The following USP26 variants were observed in gnomAD, a reference collection of about 807,000 sequenced individuals.
USP26 encodes ubiquitin specific peptidase 26, also known as ubiquitin carboxyl-terminal hydrolase 26.
For synonymous variants in USP26, 236 were observed against 240.6 expected (o/e 0.98, Z 0.18); for missense variants, 649 against 642.3 (o/e 1.01, Z -0.11).
At chrX:133,082,318 C>T (rs917810778) in intron 5 of USP26, among the ~76,000 whole-genome samples, 1 of 111,875 alleles carries the variant, frequency 8.9e-6, no homozygotes, top group Non-Finnish European at 1.9e-5. Flanking sequence ...TCCTGATCCC[C>T]GTTTTCTGGG....
At chrX:133,049,147 A>C (rs2067450618) in intron 5 of USP26, among the ~76,000 whole-genome samples, 1 of 111,933 alleles carries the variant, frequency 8.9e-6, no homozygotes, top group Admixed American at 9.5e-5. Flanking sequence ...GTTTTCAGCA[A>C]TTTCTAGTGT....
intron 5 of USP26, among the ~76,000 whole-genome samples, chrX:133,038,371 T>C (rs766373065): frequency 8.9e-6 from 1 of 112,073 alleles, no homozygotes; most frequent in Admixed American, 9.5e-5. Flanking sequence ...GATTTTAGCA[T>C]GAAGGGGTGT....
chrX:133,070,956 C>T (rs1236673348), intron 5 of USP26, among the ~76,000 whole-genome samples: 2 of 111,227 alleles, frequency 1.8e-5, no homozygotes. Context: ...GTGGCTCACT[C>T]CTGTAATCCC....
At chrX:133,074,988 A>G (rs1406113533) in intron 5 of USP26, among the ~76,000 whole-genome samples, 1 of 111,844 alleles carries the variant, frequency 8.9e-6, no homozygotes, top group Non-Finnish European at 1.9e-5. Context: ...TCAGGGTCAA[A>G]TGACATTAGT....
intron 4 of USP26, among the ~76,000 whole-genome samples, chrX:133,084,900 C>T (rs1053956938): frequency 5.4e-5 from 6 of 110,894 alleles, no homozygotes; most frequent in Non-Finnish European, 9.4e-5. Flanking sequence ...CCTTCCCACC[C>T]TTTCCTCCTG....
chrX:133,046,280 A>C (rs1455463780), intron 5 of USP26, among the ~76,000 whole-genome samples: 1 of 111,941 alleles, frequency 8.9e-6, no homozygotes, highest in African/African-American at 3.2e-5. Context: ...TGTAACATAC[A>C]CCTAGCAAGA....
At chrX:133,048,434 C>T (rs759510346) in intron 5 of USP26, among the ~76,000 whole-genome samples, 3 of 111,535 alleles carry the variant, frequency 2.7e-5, no homozygotes, top group Non-Finnish European at 5.6e-5. Flanking sequence ...ATTATTCCTT[C>T]GTGGATTTTA....
intron 5 of USP26, among the ~76,000 whole-genome samples, chrX:133,035,779 A>G (rs772259891): frequency 1.4e-4 from 16 of 112,340 alleles, no homozygotes; most frequent in African/African-American, 4.8e-4. Context: ...GCAGGTAAAG[A>G]GTAGAAACAA....
chrX:133,033,866 A>G (rs1174949781), intron 5 of USP26, among the ~76,000 whole-genome samples: 1 of 112,373 alleles, frequency 8.9e-6, no homozygotes, highest in Non-Finnish European at 1.9e-5. Flanking sequence ...AATACAAACA[A>G]TGGCCATGCA....
chrX:133,093,912 T>C (rs527891299), intron 1 of USP26, among the ~76,000 whole-genome samples: 3 of 94,809 alleles, frequency 3.2e-5, no homozygotes, highest in African/African-American at 8.2e-5. Flanking sequence ...GCCCAGGAGG[T>C]CGAGGCTGTA....
Position 133,024,010 on chromosome X carries a change from C to A in USP26, c.*1469G>T, listed in dbSNP as rs1383623385. On this transcript the variant is annotated 3_prime_UTR_variant, in exon 6 of 6. Coordinates refer to ENST00000511190, the MANE Select transcript of USP26 (RefSeq NM_031907.3). ...GCAAAGGCACAAAGTACAACAGATTCACTGCCTCAAAGGCAGGAAAAGGTT... is the reference window on the plus strand; with the variant it reads ...GCAAAGGCACAAAGTACAACAGATTAACTGCCTCAAAGGCAGGAAAAGGTT... Among the ~76,000 whole-genome samples, 1 of 112,059 alleles carries A rather than the reference C, an allele frequency of 8.9e-6. No individual in the cohort carries two copies. Among genetic ancestry groups the A allele is most frequent in the East Asian group, 2.8e-4 (1 of 3,558 alleles).
rs750568238 is a variant in USP26 at position 133,027,048 on chromosome X, T to C, written c.1173A>G (p.Leu391=). ...NDAHEFLAHC[L]DQLKDNMEKL... Reference sequence around the variant, plus strand: ...TTTCCATGTTATCTTTCAGTTGATCTAAACAGTGAGCTAAAAACTCATGAG... The same window carrying C: ...TTTCCATGTTATCTTTCAGTTGATCCAAACAGTGAGCTAAAAACTCATGAG... Residue 391 remains leucine, a synonymous_variant, in exon 6 of 6, where the codon TTA becomes TTG. Coordinates refer to ENST00000511190, the MANE Select transcript of USP26 (RefSeq NM_031907.3). 1.6e-5 allele frequency: 19 copies of C among 1,209,959 alleles called. No individual in the cohort carries two copies. Among genetic ancestry groups the C allele is most frequent in the Non-Finnish European group, 2.0e-5 (18 of 895,148 alleles).
chrX:133,089,332 T>A lies in USP26; in HGVS notation c.-142+781A>T, dbSNP rs192145743. Among the ~76,000 whole-genome samples the A allele has an allele frequency of 1.2e-3, 134 of 112,085 alleles. 2 individuals carry two copies. Among genetic ancestry groups the A allele is most frequent in the Non-Finnish European group, 2.4e-4 (13 of 53,246 alleles). On this transcript the variant is annotated intron_variant, in intron 4 of 5. Coordinates refer to ENST00000511190, the MANE Select transcript of USP26 (RefSeq NM_031907.3). ...TGTCTTCACCTAATCTTCAGTGAAC[T>A]AATCACAACCCAAATGTGACTTTTT... is the stretch of plus-strand genomic sequence containing the variant.
intron 5 of USP26, among the ~76,000 whole-genome samples, chrX:133,036,293 T>C (rs962582835): frequency 6.4e-5 from 7 of 110,174 alleles, no homozygotes; most frequent in African/African-American, 2.3e-4. Flanking sequence ...TCCATATGCA[T>C]TAGGTATTTC....
At chrX:133,053,539 A>T (rs1480775863) in intron 5 of USP26, among the ~76,000 whole-genome samples, 3 of 104,616 alleles carry the variant, frequency 2.9e-5, no homozygotes, top group East Asian at 3.0e-4. Flanking sequence ...CTCTTTTTTA[A>T]AAAAAAAAAA....
intron 1 of USP26, among the ~76,000 whole-genome samples, chrX:133,096,694 A>G (rs1481223779): frequency 9.0e-6 from 1 of 111,440 alleles, no homozygotes; most frequent in Non-Finnish European, 1.9e-5. Context: ...CAGGTGTTGG[A>G]GCTCAGCCTG....
intron 5 of USP26, among the ~76,000 whole-genome samples, chrX:133,081,027 TCA>T (rs1245955154): frequency 9.0e-6 from 1 of 111,125 alleles, no homozygotes; most frequent in African/African-American, 3.3e-5. Flanking sequence ...ACTTCCCAGC[TCA>T]CACACACTTC....
chrX:133,029,573 T>A (rs766257615), intron 5 of USP26, among the ~76,000 whole-genome samples: 2 of 112,078 alleles, frequency 1.8e-5, no homozygotes, highest in South Asian at 3.7e-4. Flanking sequence ...AGATGCTAAG[T>A]AAGGATTTAA....
intron 5 of USP26, among the ~76,000 whole-genome samples, chrX:133,081,236 T>TA (rs750268075): frequency 1.1e-3 from 117 of 111,124 alleles, no homozygotes; most frequent in Admixed American, 2.6e-3. Context: ...TTTTCTGGGA[T>TA]AAAAAAAATT....
Sources: gnomAD v4.1 joint callset for allele counts (sites outside exome capture counted in the v4.1 genomes callset) on GRCh38, gnomAD v4.1.1 for gene constraint, MANE v1.5 for transcripts, NCBI Gene and HGNC (gene_info 2026-07-23, HGNC 2026-07-21) for gene names.